EYS: variants seen among roughly 807,000 people sequenced by gnomAD.
EYS encodes the protein protein eyes shut homolog.
EYS carries 250 observed loss-of-function variants against 282.1 expected under a neutral mutation model. That is an observed-to-expected ratio of 0.89 (90% CI 0.80 to 0.98). The LOEUF (loss-of-function observed/expected upper bound fraction) is 0.98, where lower values mean the gene tolerates loss of function less well. EYS is among the 50% of genes least tolerant of loss of function. The probability of loss-of-function intolerance (pLI) is 0.00; values close to 1 mark genes in which losing one functional copy is unlikely to be tolerated. For synonymous variants in EYS, 1,355 were observed against 1,282.9 expected (o/e 1.06, Z -1.20); for missense variants, 4,016 against 3,709.0 (o/e 1.08, Z -2.15).
chr6:64,682,118 C>A (rs1769921287), intron 22 of EYS, among the ~76,000 whole-genome samples: 1 of 152,160 alleles, frequency 6.6e-6, no homozygotes, highest in Admixed American at 6.6e-5. Context: ...GAATAAATTT[C>A]TTGGCTATTA....
At chr6:65,426,407 C>T (rs1469752786) in intron 5 of EYS, among the ~76,000 whole-genome samples, 2 of 151,976 alleles carry the variant, frequency 1.3e-5, no homozygotes, top group Admixed American at 1.3e-4. Context: ...TATGGATATA[C>T]ATAAATAAAT....
At chr6:64,809,533 T>A (rs1425948427) in intron 22 of EYS, among the ~76,000 whole-genome samples, 1 of 151,936 alleles carries the variant, frequency 6.6e-6, no homozygotes, top group Non-Finnish European at 1.5e-5. Flanking sequence ...TTTTAAGTAG[T>A]GTTACTCACA....
chr6:65,295,812 A>C lies in EYS; in HGVS notation c.2023+51T>G. On this transcript the variant is annotated intron_variant, in intron 12 of 42. Coordinates refer to ENST00000503581, the MANE Select transcript of EYS (RefSeq NM_001142800.2). ...TTGAGATATATCAAATAAATATATTAACAACATTATTTACTAGAAAATTTA... is the reference window on the plus strand; with the variant it reads ...TTGAGATATATCAAATAAATATATTCACAACATTATTTACTAGAAAATTTA... The C allele has an allele frequency of 2.2e-6, 3 of 1,367,072 alleles. 1 individual carries two copies. In the South Asian group the frequency reaches 4.1e-5, roughly 19 times the overall value. The allele number at this position is 1,367,072 out of a possible 1,614,324, so 84.7% of individuals were successfully genotyped here.
At chr6:65,417,835 T>G (rs766310945) in intron 5 of EYS, among the ~76,000 whole-genome samples, 9 of 151,958 alleles carry the variant, frequency 5.9e-5, no homozygotes, top group Non-Finnish European at 1.2e-4. Flanking sequence ...CGTCAGAAAC[T>G]TCGAGGAATG....
chr6:65,034,312 G>A (rs190659025), intron 13 of EYS, among the ~76,000 whole-genome samples: 2 of 152,252 alleles, frequency 1.3e-5, no homozygotes, highest in Admixed American at 6.5e-5. Context: ...TGGGATTACT[G>A]GGAAGGATGA....
intron 35 of EYS, among the ~76,000 whole-genome samples, chr6:63,976,398 A>G (rs1228345904): frequency 6.6e-6 from 1 of 152,054 alleles, no homozygotes; most frequent in African/African-American, 2.4e-5. Context: ...GTTGACTGAA[A>G]CATTGTTATG....
chr6:64,636,450 T>C (rs534180657), intron 22 of EYS, among the ~76,000 whole-genome samples: 1 of 152,186 alleles, frequency 6.6e-6, no homozygotes, highest in Non-Finnish European at 1.5e-5. Flanking sequence ...CAAGATGGAT[T>C]AAAGACTTAC....
chr6:64,121,215 T>C (rs1773578847), intron 31 of EYS, among the ~76,000 whole-genome samples: 1 of 152,190 alleles, frequency 6.6e-6, no homozygotes, highest in South Asian at 2.1e-4. Context: ...GAGCAGGCCA[T>C]GATCTTTTGC....
chr6:64,475,088 A>G (rs548399959), intron 26 of EYS, among the ~76,000 whole-genome samples: 3 of 152,288 alleles, frequency 2.0e-5, no homozygotes, highest in Non-Finnish European at 4.4e-5. Context: ...GCAGAATACT[A>G]TCAAGTTTGA....
At chr6:65,203,505 G>A (rs1765953945) in intron 12 of EYS, among the ~76,000 whole-genome samples, 1 of 152,072 alleles carries the variant, frequency 6.6e-6, no homozygotes, top group Non-Finnish European at 1.5e-5. Context: ...CAGAGCCTTG[G>A]CCCCATAAAC....
At chr6:65,194,874 G>A (rs2150242175) in intron 12 of EYS, among the ~76,000 whole-genome samples, 1 of 151,272 alleles carries the variant, frequency 6.6e-6, no homozygotes, top group Non-Finnish European at 1.5e-5. Flanking sequence ...TTTAGACCTG[G>A]ATTACCAGTA....
At chr6:64,277,770 CAA>C (rs572391068) in intron 30 of EYS, among the ~76,000 whole-genome samples, 77 of 152,004 alleles carry the variant, frequency 5.1e-4, no homozygotes, top group Non-Finnish European at 9.6e-4. Flanking sequence ...GATGGAGAAA[CAA>C]AGTGTTTGGA....
rs530507695 is a variant in EYS, at chr6:63,966,774, G to A, written c.7055+17609C>T. ...TTACAAGGATTAACTGAGATAATAC[G>A]TATAGAGTAATTAATACAGTGTAAG... is the stretch of plus-strand genomic sequence containing the variant. On this transcript the variant is annotated intron_variant, in intron 35 of 42. Coordinates refer to ENST00000503581, the MANE Select transcript of EYS (RefSeq NM_001142800.2). Among the ~76,000 whole-genome samples, 4 of 152,248 alleles carry A rather than the reference G, an allele frequency of 2.6e-5. No individual in the cohort carries two copies. In the South Asian group the frequency reaches 6.2e-4, roughly 24 times the overall value.
At chr6:65,217,890 C>T (rs532430430) in intron 12 of EYS, among the ~76,000 whole-genome samples, 17 of 152,104 alleles carry the variant, frequency 1.1e-4, no homozygotes, top group Non-Finnish European at 1.9e-4. Context: ...TAAATATACA[C>T]TAAAAATATT....
intron 29 of EYS, among the ~76,000 whole-genome samples, chr6:64,331,518 A>G (rs1018274668): frequency 6.6e-6 from 1 of 152,114 alleles, no homozygotes; most frequent in Admixed American, 6.6e-5. Context: ...ATGAAAAGGC[A>G]TTTGAGCAGG....
At chr6:64,764,489 C>A (rs1350761138) in intron 22 of EYS, among the ~76,000 whole-genome samples, 1 of 152,198 alleles carries the variant, frequency 6.6e-6, no homozygotes, top group African/African-American at 2.4e-5. Flanking sequence ...GGGCCCTGGG[C>A]CCAGCCCACA....
At chr6:65,067,090 T>C (rs1773767794) in intron 12 of EYS, among the ~76,000 whole-genome samples, 1 of 152,208 alleles carries the variant, frequency 6.6e-6, no homozygotes, top group East Asian at 1.9e-4. Flanking sequence ...TCTGTGTCTG[T>C]TGGATCAAAC....
chr6:64,028,137 A>C (rs960542937), intron 33 of EYS, among the ~76,000 whole-genome samples: 2 of 152,206 alleles, frequency 1.3e-5, no homozygotes, highest in African/African-American at 4.8e-5. Context: ...TATTGTCTAC[A>C]TGAATATGGG....
chr6:65,054,410 C>T (rs1431201957), intron 13 of EYS, among the ~76,000 whole-genome samples: 1 of 151,922 alleles, frequency 6.6e-6, no homozygotes, highest in African/African-American at 2.4e-5. Context: ...AAGTTAAAAA[C>T]TGTGAGATAT....
Sources: allele counts gnomAD v4.1 joint callset (sites outside exome capture counted in the v4.1 genomes callset), GRCh38; gene constraint gnomAD v4.1.1; transcripts MANE v1.5; gene names NCBI Gene and HGNC (gene_info 2026-07-23, HGNC 2026-07-21).